Variants in CACNA2D3 observed in about 807,000 individuals in gnomAD.
CACNA2D3 encodes the protein calcium voltage-gated channel auxiliary subunit alpha2delta 3.
Under a neutral mutation model 160.6 loss-of-function variants are expected in CACNA2D3, and 60 were observed. The ratio of observed to expected loss-of-function variants is 0.37; its 90% CI spans 0.30 to 0.46. CACNA2D3 has a LOEUF of 0.46. Among genes scored for constraint, CACNA2D3 ranks in the 20% least tolerant of loss-of-function variants. The probability of loss-of-function intolerance (pLI) is 1.00; values close to 1 mark genes in which losing one functional copy is unlikely to be tolerated. For missense variants in CACNA2D3, 1,205 were observed against 1,365.0 expected, an observed-to-expected ratio of 0.88 and a Z score of 1.85; for synonymous variants, 558 against 492.9, an observed-to-expected ratio of 1.13 and a Z score of -1.75.
intron 35 of CACNA2D3, among the ~76,000 whole-genome samples, chr3:55,068,028 CT>C (rs1023176020): frequency 1.8e-4 from 28 of 152,326 alleles, no homozygotes; most frequent in African/African-American, 6.0e-4. Context: ...TCTTCCCTTC[CT>C]TTCCCTTCCC....
At chr3:55,062,462 A>G (rs1704538259) in intron 35 of CACNA2D3, among the ~76,000 whole-genome samples, 1 of 152,148 alleles carries the variant, frequency 6.6e-6, no homozygotes, top group South Asian at 2.1e-4. Flanking sequence ...GAAAACAAAA[A>G]AAAGGAGGTC....
intron 27 of CACNA2D3, among the ~76,000 whole-genome samples, chr3:54,953,518 C>T (rs1336798886): frequency 6.6e-6 from 1 of 152,138 alleles, no homozygotes; most frequent in Non-Finnish European, 1.5e-5. Flanking sequence ...CCATGCTGTG[C>T]GTAGAGGAAA....
intron 2 of CACNA2D3, chr3:54,197,649 A>C (rs559722722): frequency 6.6e-6 from 1 of 152,220 alleles, no homozygotes; most frequent in East Asian, 1.9e-4. Flanking sequence ...AGTCATCATA[A>C]TATCTCACAC....
chr3:54,604,168 C>T (rs1703116210), intron 9 of CACNA2D3, among the ~76,000 whole-genome samples: 1 of 152,056 alleles, frequency 6.6e-6, no homozygotes, highest in South Asian at 2.1e-4. Flanking sequence ...ACATGTAAAA[C>T]CTTTTATGTG....
chr3:54,872,653 A>G (rs1699562863), intron 18 of CACNA2D3, among the ~76,000 whole-genome samples: 3 of 152,186 alleles, frequency 2.0e-5, no homozygotes, highest in Admixed American at 2.0e-4. Flanking sequence ...CACCAGCTCA[A>G]CTAGCATAAA....
intron 3 of CACNA2D3, among the ~76,000 whole-genome samples, chr3:54,356,513 G>A (rs1559459351): frequency 6.6e-6 from 1 of 152,156 alleles, no homozygotes; most frequent in African/African-American, 2.4e-5. Context: ...TGCCTTGGCA[G>A]CCACTCTTAG....
chr3:54,946,629 A>G (rs894143548), intron 27 of CACNA2D3, among the ~76,000 whole-genome samples: 1 of 152,140 alleles, frequency 6.6e-6, no homozygotes, highest in Non-Finnish European at 1.5e-5. Flanking sequence ...TAATGACAGG[A>G]GAGCCGTCCT....
At chr3:54,384,206 C>CT (rs1218455423) in intron 3 of CACNA2D3, among the ~76,000 whole-genome samples, 1 of 151,964 alleles carries the variant, frequency 6.6e-6, no homozygotes, top group South Asian at 2.1e-4. Context: ...ATTTTATCAA[C>CT]TTTTTTTCTC....
intron 11 of CACNA2D3, among the ~76,000 whole-genome samples, chr3:54,730,936 C>G (rs1313583154): frequency 1.3e-5 from 2 of 152,132 alleles, no homozygotes; most frequent in Admixed American, 1.3e-4. Context: ...GGTTGATTTT[C>G]TAATTTGAAA....
At chr3:54,905,200 C>T (rs537885164) in intron 27 of CACNA2D3, among the ~76,000 whole-genome samples, 1 of 152,254 alleles carries the variant, frequency 6.6e-6, no homozygotes, top group East Asian at 1.9e-4. Context: ...CACTTTAGAT[C>T]TGTTACTGGA....
chr3:54,919,304 T>A (rs1700767095), intron 27 of CACNA2D3, among the ~76,000 whole-genome samples: 1 of 152,198 alleles, frequency 6.6e-6, no homozygotes, highest in Non-Finnish European at 1.5e-5. Context: ...ATTGAAAATC[T>A]AAGGAAAAAA....
At chr3:54,206,201 C>T (rs997876436) in intron 2 of CACNA2D3, among the ~76,000 whole-genome samples, 4 of 152,116 alleles carry the variant, frequency 2.6e-5, no homozygotes, top group African/African-American at 9.7e-5. Flanking sequence ...AAATGTTCTG[C>T]TGCAAGCATA....
chr3:55,023,254 A>T (rs1238111689), intron 35 of CACNA2D3, among the ~76,000 whole-genome samples: 1 of 152,118 alleles, frequency 6.6e-6, no homozygotes, highest in African/African-American at 2.4e-5. Flanking sequence ...TCTCTCTCGA[A>T]TGTTCTGAGG....
chr3:54,647,119 G>T (rs900688938), intron 11 of CACNA2D3, among the ~76,000 whole-genome samples: 18 of 152,322 alleles, frequency 1.2e-4, no homozygotes, highest in African/African-American at 3.6e-4. Context: ...CAAGCCTGCA[G>T]ATGAAAACAC....
chr3:54,646,135 CTTCCTTCCTTCCTT>C (rs1699634981), intron 11 of CACNA2D3, among the ~76,000 whole-genome samples: 1 of 33,514 alleles, frequency 3.0e-5, no homozygotes, highest in Non-Finnish European at 9.3e-5. Context: ...TTCTTCCTTC[CTTCCTTCCTTCCTT>C]CCCTCCCTCC....
chr3:54,968,873 A>C (rs923281481), intron 28 of CACNA2D3, among the ~76,000 whole-genome samples: 2 of 152,204 alleles, frequency 1.3e-5, no homozygotes, highest in Non-Finnish European at 2.9e-5. Flanking sequence ...CATTATCAAA[A>C]TCTAGAAACC....
intron 27 of CACNA2D3, among the ~76,000 whole-genome samples, chr3:54,954,108 G>T (rs1701823886): frequency 6.6e-6 from 1 of 152,196 alleles, no homozygotes; most frequent in South Asian, 2.1e-4. Context: ...GTTTACCTGA[G>T]GCCAAAGAGA....
At chr3:54,613,886 A>AG (rs1217284592) in intron 9 of CACNA2D3, among the ~76,000 whole-genome samples, 2 of 152,138 alleles carry the variant, frequency 1.3e-5, no homozygotes, top group African/African-American at 4.8e-5. Flanking sequence ...CTTTACCTCC[A>AG]GGCCCTCCTT....
chr3:54,299,252 T>C (rs956699696), intron 2 of CACNA2D3, among the ~76,000 whole-genome samples: 9 of 150,472 alleles, frequency 6.0e-5, no homozygotes, highest in African/African-American at 2.0e-4. Context: ...AACTGAAACA[T>C]AGCAGAGGCA....
Sources: gnomAD v4.1 joint callset for allele counts (sites outside exome capture counted in the v4.1 genomes callset) on GRCh38, gnomAD v4.1.1 for gene constraint, MANE v1.5 for transcripts, NCBI Gene and HGNC (gene_info 2026-07-23, HGNC 2026-07-21) for gene names.